LLGL2: variants seen among roughly 807,000 people sequenced by gnomAD.
The protein encoded by LLGL2 is LLGL2, scribble cell polarity complex component.
In LLGL2, 81 loss-of-function variants were observed where a neutral mutation model predicts 123.2. The observed-to-expected ratio is 0.66, with a 90% CI of 0.55 to 0.79. The LOEUF (loss-of-function observed/expected upper bound fraction) is 0.79. LLGL2 is among the 30% of genes least tolerant of loss of function. The pLI is 0.00. For missense variants in LLGL2, 1,273 were observed against 1,414.6 expected (o/e 0.90, Z 1.61); for synonymous variants, 577 against 594.1 (o/e 0.97, Z 0.42).
intron 1 of LLGL2, among the ~76,000 whole-genome samples, chr17:75,527,011 T>TA (rs529225817): frequency 2.1e-3 from 312 of 150,896 alleles, no homozygotes; most frequent in African/African-American, 7.2e-3. Flanking sequence ...CTGCAAATAA[T>TA]AAAAAAAGTT....
chr17:75,561,884 T>C (rs1245308880), intron 6 of LLGL2, among the ~76,000 whole-genome samples: 1 of 151,874 alleles, frequency 6.6e-6, no homozygotes, highest in Non-Finnish European at 1.5e-5. Flanking sequence ...GTCACACCAC[T>C]GCACTCCAGC....
intron 6 of LLGL2, among the ~76,000 whole-genome samples, chr17:75,560,406 G>A (rs753677712): frequency 9.4e-5 from 14 of 149,614 alleles, no homozygotes; most frequent in Non-Finnish European, 1.8e-4. Context: ...CCTGTAGTTA[G>A]CTGGCGGGAA....
rs142874601 is a variant in LLGL2 at position 75,554,355 on chromosome 17, T to C, written c.76-1691T>C. Among the ~76,000 whole-genome samples, 228 of 151,098 alleles carry C rather than the reference T, an allele frequency of 1.5e-3. 1 individual carries two copies. The highest frequency in any genetic ancestry group is 5.4e-3 in the African/African-American group (223 of 41,012). On this transcript the variant is annotated intron_variant, in intron 2 of 25. Coordinates refer to ENST00000392550, the MANE Select transcript of LLGL2 (RefSeq NM_001031803.2). Reference sequence around the variant, plus strand: ...GGCAGCTTGCAGTGACTCACGCCTGTAATCCCAGCGCTTTGGGAGGCCGAG... The same window carrying C: ...GGCAGCTTGCAGTGACTCACGCCTGCAATCCCAGCGCTTTGGGAGGCCGAG...
Position 75,570,202 on chromosome 17 carries a change from C to A in LLGL2, c.1821C>A (p.Thr607=), listed in dbSNP as rs1342482944. 1.1e-5 allele frequency: 18 copies of A among 1,595,240 alleles called. No homozygotes were observed. Among genetic ancestry groups the A allele is most frequent in the Non-Finnish European group, 1.5e-5 (18 of 1,173,060 alleles). ...HSEWRLVAFG[T]SHGFGLFDHQ... Reference sequence around the variant, plus strand: ...AGTGGCGGCTCGTGGCCTTCGGCACCAGCCATGGCTTTGGCCTCTTTGACC... The same window carrying A: ...AGTGGCGGCTCGTGGCCTTCGGCACAAGCCATGGCTTTGGCCTCTTTGACC... Residue 607 remains threonine, a synonymous_variant, in exon 15 of 26, where the codon ACC becomes ACA. Coordinates refer to ENST00000392550, the MANE Select transcript of LLGL2 (RefSeq NM_001031803.2).
At chr17:75,539,685 G>A (rs539730421) in intron 1 of LLGL2, among the ~76,000 whole-genome samples, 1 of 148,540 alleles carries the variant, frequency 6.7e-6, no homozygotes, top group Non-Finnish European at 1.5e-5. Flanking sequence ...TCAGCTCACT[G>A]TAACCTCCAC....
chr17:75,559,539 A>C lies in LLGL2; in HGVS notation c.530+129A>C. ...GAATTCCATGGGGCTATAGCAGGGG[A>C]GGCTCTTGGCTTCCTACCTGTCACC... On this transcript the variant is annotated intron_variant, in intron 6 of 25. Transcript: ENST00000392550. The surrounding 1 kb of genome is among the most constrained non-coding windows in gnomAD (Gnocchi z 4.6). The C allele has an allele frequency of 8.2e-7, 1 of 1,215,360 alleles. No homozygotes were observed. Among genetic ancestry groups the C allele is most frequent in the Non-Finnish European group, 1.1e-6 (1 of 891,742 alleles). The allele number at this position is 1,215,360 out of a possible 1,614,324, so 75.3% of individuals were successfully genotyped here.
chr17:75,534,192 G>T (rs190346223), intron 1 of LLGL2, among the ~76,000 whole-genome samples: 4 of 152,378 alleles, frequency 2.6e-5, no homozygotes, highest in Non-Finnish European at 5.9e-5. Flanking sequence ...TATGAAAGGG[G>T]GCTAAGGCCC....
At chr17:75,567,452 G>A (rs1223387697) in intron 10 of LLGL2, among the ~76,000 whole-genome samples, 2 of 149,908 alleles carry the variant, frequency 1.3e-5, no homozygotes, top group East Asian at 2.0e-4. Context: ...CAACAAGAGC[G>A]AAACTCCGTC....
At chr17:75,560,346 G>C (rs1020327057) in intron 6 of LLGL2, among the ~76,000 whole-genome samples, 28 of 152,240 alleles carry the variant, frequency 1.8e-4, no homozygotes, top group Non-Finnish European at 2.4e-4. Flanking sequence ...TGGGCAGGAC[G>C]GCATGGGACC....
intron 1 of LLGL2, chr17:75,543,029 TC>T (rs1360879909): frequency 1.3e-5 from 2 of 155,626 alleles, no homozygotes; most frequent in African/African-American, 4.8e-5. Context: ...TTGCGAAGTT[TC>T]CCTTTCTGCT....
Position 75,573,592 on chromosome 17 carries a change from G to C in LLGL2, c.2837G>C (p.Gly946Ala). 1 of 1,612,042 alleles carries C rather than the reference G, an allele frequency of 6.2e-7. No individual in the cohort carries two copies. The highest frequency in any genetic ancestry group is 8.5e-7 in the Non-Finnish European group (1 of 1,179,856). ...GCAGAAACCAAGAACCACCGCCCTGGTAACGGTGCGGGCCCCAAGAAGGCC... is the reference window on the plus strand; with the variant it reads ...GCAGAAACCAAGAACCACCGCCCTGCTAACGGTGCGGGCCCCAAGAAGGCC... ...DSAETKNHRP[G>A]NGAGPKKAPS... Residue 946 changes from glycine to alanine, a missense_variant, in exon 21 of 26, where the codon GGT (glycine) becomes GCT (alanine). By Grantham distance (60) the Gly-to-Ala change is moderately conservative. Coordinates refer to ENST00000392550, the MANE Select transcript of LLGL2 (RefSeq NM_001031803.2).
At position 75,549,726 on chromosome 17, in the gene LLGL2, T is replaced by C. The variant is rs1029464005; in HGVS notation, c.75+6225T>C. Among the ~76,000 whole-genome samples the C allele has an allele frequency of 6.6e-6, 1 of 152,150 alleles. No homozygotes were observed. The highest frequency in any genetic ancestry group is 2.4e-5 in the African/African-American group (1 of 41,438). ...GGGCCTGGTGCCCACCACTGCCTCCTTCCCACCCCCTGAGGAGTGCCAGGG... is the reference window on the plus strand; with the variant it reads ...GGGCCTGGTGCCCACCACTGCCTCCCTCCCACCCCCTGAGGAGTGCCAGGG... On this transcript the variant is annotated intron_variant, in intron 2 of 25. Coordinates refer to ENST00000392550, the MANE Select transcript of LLGL2 (RefSeq NM_001031803.2). This position sits in a 1 kb window ranked among gnomAD's most constrained non-coding sequence, Gnocchi z 4.0.
rs568768911 is a variant in LLGL2, at chr17:75,538,263, G to T, written c.-30-5134G>T. Among the ~76,000 whole-genome samples the T allele has an allele frequency of 2.1e-4, 32 of 152,328 alleles. No individual in the cohort carries two copies. The East Asian group carries it at 5.8e-3, about 28-fold the overall frequency. ...GCCAGTGACATGGAGGAGGGAACGG[G>T]GGGTGGGCAGGCCCCATCAGGTCCC... On this transcript the variant is annotated intron_variant, in intron 1 of 25. Coordinates refer to ENST00000392550, the MANE Select transcript of LLGL2 (RefSeq NM_001031803.2).
rs1031416203 is a variant in LLGL2, at chr17:75,564,947, T to C, written c.1036+440T>C. Reference sequence around the variant, plus strand: ...CCCTTAGCCTCACTGCACCCCAAGGTGCAGTGTCATCAAGCCCTACAGCTC... The same window carrying C: ...CCCTTAGCCTCACTGCACCCCAAGGCGCAGTGTCATCAAGCCCTACAGCTC... On this transcript the variant is annotated intron_variant, in intron 10 of 25. Transcript: ENST00000392550. This position sits in a 1 kb window ranked among gnomAD's most constrained non-coding sequence, Gnocchi z 4.9. Among the ~76,000 whole-genome samples the C allele has an allele frequency of 6.7e-6, 1 of 150,192 alleles. No individual in the cohort carries two copies. Among genetic ancestry groups the C allele is most frequent in the African/African-American group, 2.5e-5 (1 of 40,804 alleles).
At chr17:75,569,850 T>G (rs2055616819) in intron 14 of LLGL2, 113 bp from the exon 15 acceptor site, 1 of 1,182,650 alleles carries the variant, frequency 8.5e-7, no homozygotes, top group East Asian at 2.4e-5. Context: ...ACAGAGGCCT[T>G]TGTCCTTCCT....
chr17:75,554,002 G>A (rs1294102151), intron 2 of LLGL2, among the ~76,000 whole-genome samples: 1 of 152,110 alleles, frequency 6.6e-6, no homozygotes, highest in African/African-American at 2.4e-5. Flanking sequence ...TTCTTTAGAT[G>A]TTTTAAAAGT....
chr17:75,573,392 C>T (rs1048336041), intron 20 of LLGL2, 89 bp from the exon 21 acceptor site: 82 of 1,551,848 alleles, frequency 5.3e-5, no homozygotes, highest in Non-Finnish European at 6.4e-5. Context: ...CGGAGAACTG[C>T]GAGGGAGCAC....
intron 2 of LLGL2, 22 bp downstream of exon 2, chr17:75,543,523 A>G: frequency 6.2e-7 from 1 of 1,600,950 alleles, no homozygotes; most frequent in Non-Finnish European, 8.5e-7. Context: ...AGAGCAGGGA[A>G]GATGACCCCC....
At chr17:75,566,902 G>A (rs767630772) in intron 10 of LLGL2, among the ~76,000 whole-genome samples, 4 of 152,178 alleles carry the variant, frequency 2.6e-5, no homozygotes, top group African/African-American at 4.8e-5. Flanking sequence ...AGGAGAGATC[G>A]GGAAGGTGTC....
Sources: allele counts gnomAD v4.1 joint callset (sites outside exome capture counted in the v4.1 genomes callset), GRCh38; gene constraint gnomAD v4.1.1; non-coding constraint Gnocchi (gnomAD v3.1); transcripts MANE v1.5; gene names NCBI Gene and HGNC (gene_info 2026-07-23, HGNC 2026-07-21).